Variants in PTPRT observed in about 807,000 individuals in gnomAD.
The protein encoded by PTPRT is receptor-type tyrosine-protein phosphatase T.
PTPRT carries 56 observed loss-of-function variants against 176.8 expected under a neutral mutation model. That is an observed-to-expected ratio of 0.32 (90% confidence interval 0.26 to 0.40). The LOEUF (loss-of-function observed/expected upper bound fraction) is 0.40. Ranked by LOEUF, PTPRT falls within the 10% of genes least tolerant of loss-of-function variation. PTPRT has a pLI of 1.00. For synonymous variants in PTPRT, 783 were observed against 739.0 expected (o/e 1.06, Z -0.96); for missense variants, 1,540 against 1,908.2 (o/e 0.81, Z 3.60).
intron 2 of PTPRT, among the ~76,000 whole-genome samples, chr20:42,875,029 CAGA>C (rs2078907615): frequency 6.6e-6 from 1 of 152,200 alleles, no homozygotes; most frequent in African/African-American, 2.4e-5. Context: ...TGTTTGTCAT[CAGA>C]AGAAGCACTT....
chr20:42,252,376 G>T (rs1028179524), intron 13 of PTPRT, among the ~76,000 whole-genome samples: 1 of 152,182 alleles, frequency 6.6e-6, no homozygotes, highest in Non-Finnish European at 1.5e-5. Flanking sequence ...TTTGAAGCGT[G>T]GGGGCCTGTT....
chr20:43,178,363 C>T (rs770958068), intron 1 of PTPRT, among the ~76,000 whole-genome samples: 15 of 152,106 alleles, frequency 9.9e-5, no homozygotes, highest in Non-Finnish European at 1.3e-4. Flanking sequence ...TGACACCCAC[C>T]CCGCAACCCT....
At chr20:42,504,706 T>C (rs537496936) in intron 7 of PTPRT, among the ~76,000 whole-genome samples, 20 of 152,292 alleles carry the variant, frequency 1.3e-4, no homozygotes, top group African/African-American at 3.6e-4. Context: ...CATTTTCACA[T>C]TTAAATTAGG....
At chr20:43,079,156 CTT>C (rs1913759644) in intron 1 of PTPRT, among the ~76,000 whole-genome samples, 1 of 148,686 alleles carries the variant, frequency 6.7e-6, no homozygotes, top group Non-Finnish European at 1.5e-5. Flanking sequence ...TTCTCTCTCC[CTT>C]TCTCTCTCTC....
In PTPRT at chr20:42,075,349, A is replaced by T; in HGVS notation, c.*5530T>A. On this transcript the variant is annotated 3_prime_UTR_variant, in exon 31 of 31. Transcript: ENST00000373187. ...TTTTTTTTCTTCTAACCTACCCTCC[A>T]GTTGGGTTGACCATTTTTTTCCCTG... 4.3e-6 allele frequency: 1 copy of T among 229,938 alleles called. No individual in the cohort carries two copies. Among genetic ancestry groups the T allele is most frequent in the East Asian group, 6.2e-5 (1 of 16,116 alleles). 14.2% of individuals were successfully genotyped at this position (229,938 alleles called of 1,614,324 possible).
At chr20:42,538,608 A>G (rs1452823101) in intron 7 of PTPRT, among the ~76,000 whole-genome samples, 2 of 152,214 alleles carry the variant, frequency 1.3e-5, no homozygotes, top group Non-Finnish European at 2.9e-5. Context: ...CGATTAATCT[A>G]TACCAAAATT....
chr20:42,579,898 T>A (rs1314336419), intron 7 of PTPRT, among the ~76,000 whole-genome samples: 2 of 152,346 alleles, frequency 1.3e-5, no homozygotes, highest in East Asian at 3.9e-4. Context: ...GCAGAAGCTC[T>A]TTAGTTTAAT....
chr20:42,944,916 C>T (rs1269161467), intron 1 of PTPRT, among the ~76,000 whole-genome samples: 1 of 151,982 alleles, frequency 6.6e-6, no homozygotes, highest in Non-Finnish European at 1.5e-5. Context: ...TTCCCTGTGC[C>T]TGGTACATAG....
the PTPRT span, among the ~76,000 whole-genome samples, chr20:42,048,213 A>G: frequency 7.2e-5 from 11 of 152,324 alleles, no homozygotes; most frequent in East Asian, 3.9e-4. Flanking sequence ...GATGTTTTTC[A>G]TATGGGAAAC....
intron 1 of PTPRT, among the ~76,000 whole-genome samples, chr20:43,088,197 G>T (rs1382783565): frequency 6.6e-6 from 1 of 152,132 alleles, no homozygotes; most frequent in Non-Finnish European, 1.5e-5. Flanking sequence ...GGTTCAACTT[G>T]ACTGAACTGC....
chr20:43,026,175 T>C (rs547247372), intron 1 of PTPRT, among the ~76,000 whole-genome samples: 220 of 152,288 alleles, frequency 1.4e-3, no homozygotes, highest in Non-Finnish European at 2.2e-3. Flanking sequence ...TGGAGTGCAG[T>C]GGTGCGACCT....
intron 20 of PTPRT, among the ~76,000 whole-genome samples, chr20:42,118,782 C>T (rs1987426590): frequency 6.6e-6 from 1 of 152,070 alleles, no homozygotes; most frequent in South Asian, 2.1e-4. Flanking sequence ...CCTCCTCCTG[C>T]TCAGACCCTT....
chr20:43,102,896 T>C (rs138141965), intron 1 of PTPRT, among the ~76,000 whole-genome samples: 4 of 152,120 alleles, frequency 2.6e-5, no homozygotes, highest in Non-Finnish European at 5.9e-5. Context: ...CTTTGGGGGA[T>C]GCAAAACTAA....
chr20:42,486,288 A>G (rs1317218295), intron 7 of PTPRT, among the ~76,000 whole-genome samples: 1 of 152,162 alleles, frequency 6.6e-6, no homozygotes, highest in Non-Finnish European at 1.5e-5. Flanking sequence ...TTCCTCCTTG[A>G]CTTTCATTTT....
In PTPRT at chr20:43,189,552, A is replaced by T; in HGVS notation, c.88+94T>A. 1 of 838,618 alleles carries T rather than the reference A, an allele frequency of 1.2e-6. No homozygotes were observed. The highest frequency in any genetic ancestry group is 1.5e-6 in the Non-Finnish European group (1 of 647,948). The allele number at this position is 838,618 out of a possible 1,614,324, so 51.9% of individuals were successfully genotyped here. ...TGGGGACCCGCGCCCCCGCGAGCCC[A>T]CACAACTTTCTCCTCCGAGGGCCCC... On this transcript the variant is annotated intron_variant, in intron 1 of 30. Coordinates refer to ENST00000373187, the MANE Select transcript of PTPRT (RefSeq NM_007050.6). The surrounding 1 kb of genome is among the most constrained non-coding windows in gnomAD (Gnocchi z 5.0).
intron 1 of PTPRT, among the ~76,000 whole-genome samples, chr20:43,042,709 C>A (rs1986660953): frequency 1.0e-5 from 1 of 96,804 alleles, no homozygotes; most frequent in South Asian, 2.7e-4. Flanking sequence ...TTCCACCCAC[C>A]CTCCCACCCG....
intron 1 of PTPRT, among the ~76,000 whole-genome samples, chr20:43,102,036 G>A (rs1274382268): frequency 6.6e-6 from 1 of 152,156 alleles, no homozygotes; most frequent in Admixed American, 6.5e-5. Flanking sequence ...CATGGCAGAA[G>A]GGACAGAAGG....
intron 1 of PTPRT, among the ~76,000 whole-genome samples, chr20:42,925,236 T>G (rs780122470): frequency 3.3e-5 from 5 of 152,222 alleles, no homozygotes; most frequent in Non-Finnish European, 5.9e-5. Flanking sequence ...TTTTAATATG[T>G]CATTTTTCTT....
chr20:42,948,792 A>G (rs1007062876), intron 1 of PTPRT, among the ~76,000 whole-genome samples: 26 of 152,222 alleles, frequency 1.7e-4, no homozygotes, highest in Admixed American at 3.9e-4. Context: ...GGAGTCTATC[A>G]TGGATAACCA....
Sources: gnomAD v4.1 joint callset for allele counts (sites outside exome capture counted in the v4.1 genomes callset) on GRCh38, gnomAD v4.1.1 for gene constraint, Gnocchi (gnomAD v3.1) non-coding constraint, MANE v1.5 for transcripts, NCBI Gene and HGNC (gene_info 2026-07-23, HGNC 2026-07-21) for gene names.